THOC1: variants seen among roughly 807,000 people sequenced by gnomAD.
The protein encoded by THOC1 is THO complex 1.
A neutral mutation model predicts 97.3 loss-of-function variants in THOC1; 29 were observed. The observed-to-expected ratio is 0.30, with a 90% confidence interval of 0.22 to 0.41. The LOEUF (loss-of-function observed/expected upper bound fraction) is 0.41. THOC1 is among the 10% of genes least tolerant of loss of function. The pLI, the probability that THOC1 is intolerant of heterozygous loss-of-function variation, is 1.00. For synonymous variants in THOC1, 255 were observed against 257.0 expected, an observed-to-expected ratio of 0.99 and a Z score of 0.07; for missense variants, 529 against 761.9, an observed-to-expected ratio of 0.69 and a Z score of 3.60.
intron 11 of THOC1, among the ~76,000 whole-genome samples, chr18:236,391 T>C (rs1911690549): frequency 6.9e-6 from 1 of 143,940 alleles, no homozygotes; most frequent in African/African-American, 2.6e-5. Flanking sequence ...AGTCTCGCTC[T>C]GTCGCCCAGG....
chr18:226,757 C>A, intron 12 of THOC1, 44 bp downstream of exon 12: 2 of 1,446,636 alleles, frequency 1.4e-6, no homozygotes, highest in Non-Finnish European at 1.9e-6. Flanking sequence ...CCTTTTTTTT[C>A]TTGGCTACTG....
intron 12 of THOC1, 125 bp downstream of exon 12, chr18:226,676 C>T: frequency 1.6e-6 from 1 of 624,312 alleles, no homozygotes; most frequent in South Asian, 2.1e-5. Flanking sequence ...GTATCAGCTG[C>T]AATACATGTG....
chr18:233,347 G>A (rs765330729), intron 11 of THOC1, among the ~76,000 whole-genome samples: 10 of 152,206 alleles, frequency 6.6e-5, no homozygotes, highest in East Asian at 1.9e-4. Flanking sequence ...AGCACTTTGG[G>A]AGGCTGAGGC....
rs772620511 is a variant in THOC1, at chr18:260,217, A to G, written c.344T>C (p.Phe115Ser). The change falls in exon 5 of 21, where the codon TTT becomes TCT. Residue 115 changes from phenylalanine (F) to serine (S), a missense_variant. By Grantham distance (155) the Phe-to-Ser change is radical. Around this residue, in one of 8 missense-constraint regions of THOC1, gnomAD observed 49 missense variants for 91.7 expected, o/e 0.53. Transcript: ENST00000261600. Reference sequence around the variant, plus strand: ...CCAAGTAGCAACATTTTTTTCCACAAAAGTGAATATTGTGTCACACTGATC... The same window carrying G: ...CCAAGTAGCAACATTTTTTTCCACAGAAGTGAATATTGTGTCACACTGATC... ...PLDQCDTIFT[F>S]VEKNVATWKS... 5.1e-6 allele frequency: 8 copies of G among 1,577,512 alleles called. No homozygotes were observed. The highest frequency in any genetic ancestry group is 6.0e-6 in the Non-Finnish European group (7 of 1,164,278).
chr18:217,647 TGAGA>T (rs1437007988), intron 18 of THOC1, among the ~76,000 whole-genome samples: 1 of 152,084 alleles, frequency 6.6e-6, no homozygotes, highest in African/African-American at 2.4e-5. Flanking sequence ...GAGGAAAACT[TGAGA>T]AATGAGAAAG....
chr18:246,234 T>C (rs1912082161), intron 11 of THOC1, 90 bp downstream of exon 11: 3 of 1,014,852 alleles, frequency 3.0e-6, no homozygotes, highest in South Asian at 1.6e-5. Context: ...GAAACATTTC[T>C]ATTCAGTTTA....
intron 19 of THOC1, 85 bp downstream of exon 19, chr18:216,401 A>G: frequency 1.4e-6 from 2 of 1,431,146 alleles, no homozygotes; most frequent in Non-Finnish European, 1.9e-6. Flanking sequence ...TCACATGATT[A>G]AGTCAGTTTT....
intron 17 of THOC1, among the ~76,000 whole-genome samples, chr18:222,290 T>C (rs1179786287): frequency 1.3e-5 from 2 of 152,232 alleles, no homozygotes; most frequent in African/African-American, 4.8e-5. Context: ...GATTTCTTCA[T>C]GTTTACCAAA....
chr18:262,597 G>A (rs181216312), intron 4 of THOC1, among the ~76,000 whole-genome samples: 315 of 152,226 alleles, frequency 2.1e-3, no homozygotes, highest in African/African-American at 7.4e-3. Context: ...ATGAACTCAG[G>A]ACACACTGAA....
chr18:232,037 A>C (rs1323296638), intron 11 of THOC1, among the ~76,000 whole-genome samples: 2 of 152,216 alleles, frequency 1.3e-5, no homozygotes, highest in Non-Finnish European at 2.9e-5. Context: ...TACAGAGCAA[A>C]AGCAGTCAGA....
intron 11 of THOC1, among the ~76,000 whole-genome samples, chr18:232,025 G>C (rs1911501855): frequency 6.6e-6 from 1 of 152,230 alleles, no homozygotes; most frequent in Non-Finnish European, 1.5e-5. Context: ...TATCTCTGCT[G>C]TTACAGAGCA....
At chr18:223,867 C>T (rs1411019416) in intron 16 of THOC1, among the ~76,000 whole-genome samples, 1 of 152,070 alleles carries the variant, frequency 6.6e-6, no homozygotes, top group Non-Finnish European at 1.5e-5. Context: ...ATGGCACAGC[C>T]TAGAGACACA....
At chr18:228,697 G>A (rs1338399157) in intron 11 of THOC1, among the ~76,000 whole-genome samples, 1 of 152,124 alleles carries the variant, frequency 6.6e-6, no homozygotes, top group Non-Finnish European at 1.5e-5. Flanking sequence ...TGTCTAGTGA[G>A]CAAACAGCAA....
intron 11 of THOC1, among the ~76,000 whole-genome samples, chr18:241,717 T>C (rs759010942): frequency 2.6e-5 from 4 of 152,244 alleles, no homozygotes; most frequent in Admixed American, 2.0e-4. Context: ...TTAACCATCA[T>C]GGTAATACTC....
chr18:227,333 T>A (rs1338412023), intron 11 of THOC1, among the ~76,000 whole-genome samples: 3 of 152,094 alleles, frequency 2.0e-5, no homozygotes, highest in Non-Finnish European at 2.9e-5. Context: ...AATTTTTTTT[T>A]AAAGTAAAAC....
At chr18:236,271 T>C (rs1026405007) in intron 11 of THOC1, among the ~76,000 whole-genome samples, 2 of 152,094 alleles carry the variant, frequency 1.3e-5, no homozygotes, top group Non-Finnish European at 2.9e-5. Flanking sequence ...TTAAGCTTCT[T>C]AGGTCTGCTT....
chr18:245,260 G>T (rs1248935956), intron 11 of THOC1: 1 of 151,960 alleles, frequency 6.6e-6, no homozygotes, highest in Non-Finnish European at 1.5e-5. Context: ...TCAGAGTTTT[G>T]AACAGGAGCC....
chr18:262,589 G>A lies in THOC1; in HGVS notation c.256+1437C>T, dbSNP rs148563624. 2.0e-5 allele frequency among the ~76,000 whole-genome samples: 3 copies of A among 152,270 alleles called. No homozygotes were observed. In the East Asian group the frequency reaches 5.8e-4, roughly 29 times the overall value. On this transcript the variant is annotated intron_variant, in intron 4 of 20. Transcript: ENST00000261600. ...AGAATAATGTATAAAGGTAATCAAT[G>A]AACTCAGGACACACTGAACACTGTT... is the stretch of plus-strand genomic sequence containing the variant.
At position 218,907 on chromosome 18, in the gene THOC1, T is replaced by C. The variant is rs768267123; in HGVS notation, c.1433A>G (p.Asn478Ser). The C allele has an allele frequency of 1.5e-5, 24 of 1,603,404 alleles. No homozygotes were observed. The highest frequency in any genetic ancestry group is 1.9e-5 in the Non-Finnish European group (22 of 1,174,172). The change falls in exon 18 of 21, where the codon AAT becomes AGT. Residue 478 changes from asparagine (N) to serine (S), a missense_variant. This residue lies in a region of THOC1 where 123 missense variants were observed against 159.0 expected (regional missense o/e 0.77). Transcript: ENST00000261600. ...EEAIEQADPE[N>S]MVENEYKAVN... is the part of the protein sequence containing the mutation. ...TTACTTATATTCATTTTCCACCATA[T>C]TTTCAGGGTCTGCCTGTTCAATGGC...
Sources: allele counts gnomAD v4.1 joint callset (sites outside exome capture counted in the v4.1 genomes callset), GRCh38; gene constraint gnomAD v4.1.1; regional missense constraint gnomAD v4.1.1; transcripts MANE v1.5; gene names NCBI Gene and HGNC (gene_info 2026-07-23, HGNC 2026-07-21).